ARIH1: variants seen among roughly 807,000 people sequenced by gnomAD.
ARIH1 encodes ariadne RBR E3 ubiquitin protein ligase 1.
A neutral mutation model predicts 85.0 loss-of-function variants in ARIH1; 8 were observed. The ratio of observed to expected loss-of-function variants is 0.09; its 90% CI spans 0.06 to 0.17. ARIH1 has a LOEUF of 0.17. ARIH1 is among the 10% of genes least tolerant of loss of function. ARIH1 has a pLI of 1.00. For synonymous variants in ARIH1, 238 were observed against 253.6 expected, an observed-to-expected ratio of 0.94 and a Z score of 0.59; for missense variants, 311 against 718.1, an observed-to-expected ratio of 0.43 and a Z score of 6.48.
At chr15:72,476,836 C>T (rs2063796992) in intron 1 of ARIH1, among the ~76,000 whole-genome samples, 1 of 152,164 alleles carries the variant, frequency 6.6e-6, no homozygotes, top group Non-Finnish European at 1.5e-5. Flanking sequence ...ACTGTATGTT[C>T]TGTTTGTGTT....
At chr15:72,538,690 A>G (rs1308707448) in intron 2 of ARIH1, among the ~76,000 whole-genome samples, 1 of 152,218 alleles carries the variant, frequency 6.6e-6, no homozygotes, top group Non-Finnish European at 1.5e-5. Context: ...ATTATTTGGT[A>G]TGTTTCTCTA....
chr15:72,560,284 A>G (rs1341950613), intron 5 of ARIH1, among the ~76,000 whole-genome samples: 1 of 152,210 alleles, frequency 6.6e-6, no homozygotes, highest in Non-Finnish European at 1.5e-5. Flanking sequence ...TTAAGGTGCC[A>G]TGAGAACTGA....
Position 72,537,093 on chromosome 15 carries a change from TTTGTTGTTGTTG to T in ARIH1, c.444-7709_444-7698del, listed in dbSNP as rs144724943. On this transcript the variant is annotated intron_variant, in intron 2 of 13. Coordinates refer to ENST00000379887, the MANE Select transcript of ARIH1 (RefSeq NM_005744.5). ...TTACAGATTTGTGTGAGTTCTCATT[TTTGTTGTTGTTG>T]TTGTTGTTGTTGTTGTTTGTAACAT... Among the ~76,000 whole-genome samples the T allele has an allele frequency of 4.0e-5, 6 of 151,138 alleles. No individual in the cohort carries two copies. In the South Asian group the frequency reaches 8.3e-4, roughly 21 times the overall value.
At chr15:72,481,998 G>T (rs1471524944) in intron 1 of ARIH1, among the ~76,000 whole-genome samples, 2 of 151,936 alleles carry the variant, frequency 1.3e-5, no homozygotes, top group African/African-American at 4.8e-5. Context: ...CACTACGCCC[G>T]GCTAATTTTG....
intron 7 of ARIH1, 72 bp downstream of exon 7, chr15:72,563,572 A>C: frequency 6.2e-6 from 8 of 1,298,898 alleles, no homozygotes; most frequent in Non-Finnish European, 8.9e-6. Flanking sequence ...TCTTGGTAGT[A>C]AAATAGCAGA....
At chr15:72,570,393 C>A in intron 10 of ARIH1, 86 bp downstream of exon 10, 1 of 1,512,236 alleles carries the variant, frequency 6.6e-7, no homozygotes, top group Non-Finnish European at 9.0e-7. Context: ...ATAGATATCA[C>A]CATCTAACTT....
rs1480274019 is a variant in ARIH1 at position 72,548,847 on chromosome 15, C to T, written c.588+3883C>T. 1.2e-4 allele frequency among the ~76,000 whole-genome samples: 18 copies of T among 152,232 alleles called. 1 individual carries two copies. The East Asian group carries it at 3.3e-3, about 28-fold the overall frequency. On this transcript the variant is annotated intron_variant, in intron 3 of 13. Transcript: ENST00000379887. ...TTATCCTTCCAGAAAGCAATTTTTG[C>T]TTTATGCAGTGTCACATGCACATTT...
At chr15:72,575,036 T>C (rs2064264326) in intron 11 of ARIH1, among the ~76,000 whole-genome samples, 1 of 151,984 alleles carries the variant, frequency 6.6e-6, no homozygotes, top group Admixed American at 6.6e-5. Context: ...AGTTCCAGGC[T>C]GCAGTGAGCC....
chr15:72,568,016 A>T (rs181030031), intron 9 of ARIH1, among the ~76,000 whole-genome samples: 2 of 152,348 alleles, frequency 1.3e-5, no homozygotes, highest in Non-Finnish European at 2.9e-5. Context: ...GTGTGTTTAA[A>T]TATACATCTT....
intron 11 of ARIH1, among the ~76,000 whole-genome samples, chr15:72,579,152 G>A (rs1191501244): frequency 6.6e-6 from 1 of 152,126 alleles, no homozygotes; most frequent in Non-Finnish European, 1.5e-5. Flanking sequence ...GGATTTAATT[G>A]ATATCTCTTG....
chr15:72,555,855 A>G lies in ARIH1; in HGVS notation c.685A>G (p.Ile229Val). ...TTTAAATTTCAATCTTTTTCAGACT[A>G]TTTCGTGTCCTGCTCATGGTTGTGA... ...KIMEEGMGQT[I>V]SCPAHGCDIL... is the part of the protein sequence containing the mutation. Residue 229 changes from isoleucine to valine, a missense_variant, in exon 5 of 14, where the codon ATT becomes GTT. Around this residue, in one of 3 missense-constraint regions of ARIH1, gnomAD observed 104 missense variants for 221.4 expected, o/e 0.47. Transcript: ENST00000379887. The G allele has an allele frequency of 6.2e-7, 1 of 1,612,634 alleles. No individual in the cohort carries two copies. Among genetic ancestry groups the G allele is most frequent in the African/African-American group, 1.3e-5 (1 of 75,014 alleles).
chr15:72,552,572 G>A (rs1313762840), intron 3 of ARIH1, among the ~76,000 whole-genome samples: 1 of 152,074 alleles, frequency 6.6e-6, no homozygotes. Context: ...TTACAGGCGT[G>A]AGCCACCGTG....
At chr15:72,475,725 C>T (rs2063792377) in intron 1 of ARIH1, among the ~76,000 whole-genome samples, 1 of 152,160 alleles carries the variant, frequency 6.6e-6, no homozygotes, top group South Asian at 2.1e-4. Context: ...CATACCCTTC[C>T]TTGTAGCTAA....
At chr15:72,540,801 A>G (rs918094952) in intron 2 of ARIH1, among the ~76,000 whole-genome samples, 1 of 152,164 alleles carries the variant, frequency 6.6e-6, no homozygotes, top group Non-Finnish European at 1.5e-5. Flanking sequence ...ACTGCTGTGC[A>G]CCAGCCTGGG....
chr15:72,535,015 A>G (rs1026813289), intron 2 of ARIH1, among the ~76,000 whole-genome samples: 8 of 123,476 alleles, frequency 6.5e-5, no homozygotes, highest in Admixed American at 5.5e-4. Flanking sequence ...CAGTGGCGCA[A>G]TCTCGGCTCA....
intron 1 of ARIH1, among the ~76,000 whole-genome samples, chr15:72,485,612 G>T (rs746146855): frequency 9.9e-5 from 15 of 151,568 alleles, no homozygotes; most frequent in Non-Finnish European, 1.9e-4. Flanking sequence ...GAATGGTTTT[G>T]TTTTTTATAT....
chr15:72,568,746 G>A (rs931291074), intron 9 of ARIH1, among the ~76,000 whole-genome samples: 3 of 152,122 alleles, frequency 2.0e-5, no homozygotes, highest in African/African-American at 7.2e-5. Flanking sequence ...CCTGAAATTT[G>A]CTTGTTTGGA....
At chr15:72,484,874 A>G (rs1316779131) in intron 1 of ARIH1, among the ~76,000 whole-genome samples, 3 of 151,948 alleles carry the variant, frequency 2.0e-5, no homozygotes, top group African/African-American at 7.3e-5. Flanking sequence ...GCAGTTGCGA[A>G]TTGTACTGCT....
In ARIH1 at chr15:72,599,958, T is replaced by C. The variant is rs951339879; in HGVS notation, c.*16666T>C. ...AGCTTCATATTATTTTGAAGTGATA[T>C]TTCCCAGTGTTGGCTGGACTCTCAA... On this transcript the variant is annotated 3_prime_UTR_variant, in exon 14 of 14. Coordinates refer to ENST00000379887, the MANE Select transcript of ARIH1 (RefSeq NM_005744.5). 1.6e-5 allele frequency: 1 copy of C among 60,856 alleles called. No homozygotes were observed. Among genetic ancestry groups the C allele is most frequent in the African/African-American group, 2.6e-5 (1 of 38,520 alleles). The allele number at this position is 60,856 out of a possible 1,614,324, so 3.8% of individuals were successfully genotyped here.
Sources: gnomAD v4.1 joint callset for allele counts (sites outside exome capture counted in the v4.1 genomes callset) on GRCh38, gnomAD v4.1.1 for gene constraint, gnomAD v4.1.1 regional missense constraint, MANE v1.5 for transcripts, NCBI Gene and HGNC (gene_info 2026-07-23, HGNC 2026-07-21) for gene names.